The following MAOB variants were observed in gnomAD, a reference collection of about 807,000 sequenced individuals.
The protein encoded by MAOB is monoamine oxidase B.
MAOB carries 15 observed loss-of-function variants against 41.9 expected under a neutral mutation model. The ratio of observed to expected loss-of-function variants is 0.36; its 90% confidence interval spans 0.24 to 0.55. The LOEUF is 0.55. Among genes scored for constraint, MAOB ranks in the 20% least tolerant of loss-of-function variants. The probability of loss-of-function intolerance (pLI) is 0.86; values close to 1 mark genes in which losing one functional copy is unlikely to be tolerated. For synonymous variants in MAOB, 167 were observed against 144.2 expected (o/e 1.16, Z -1.13); for missense variants, 345 against 398.7 (o/e 0.87, Z 1.15).
intron 3 of MAOB, among the ~76,000 whole-genome samples, chrX:43,816,276 A>T (rs1193844104): frequency 8.9e-6 from 1 of 111,823 alleles, no homozygotes; most frequent in Non-Finnish European, 1.9e-5. Flanking sequence ...TGGCTTTATG[A>T]ATATGTTCAT....
In MAOB at chrX:43,838,925, C is replaced by A. The variant is rs2035101147; in HGVS notation, c.222G>T (p.Glu74Asp). Residue 74 changes from glutamate to aspartate, a missense_variant, in exon 3 of 15, where the codon GAG becomes GAT. Physicochemically the swap from Glu to Asp is conservative, Grantham distance 45. Transcript: ENST00000378069. The stretch of plus-strand genomic sequence containing the variant: ...TCACTTTGTAGGTCTCCAATCCTAG[C>A]TCCTTGGCTAATCTCAAGATACGAT... ...TQNRILRLAK[E>D]LGLETYKVNE... is the part of the protein sequence containing the mutation. 9 of 1,204,124 alleles carry A rather than the reference C, an allele frequency of 7.5e-6. No homozygotes were observed. The highest frequency in any genetic ancestry group is 1.0e-5 in the Non-Finnish European group (9 of 891,611).
At chrX:43,861,784 C>G (rs2035333595) in intron 1 of MAOB, among the ~76,000 whole-genome samples, 1 of 111,487 alleles carries the variant, frequency 9.0e-6, no homozygotes, top group African/African-American at 3.3e-5. Flanking sequence ...GATACCTATT[C>G]AATGCTGTAC....
intron 3 of MAOB, among the ~76,000 whole-genome samples, chrX:43,809,483 G>C (rs989873710): frequency 3.6e-5 from 4 of 112,581 alleles, no homozygotes; most frequent in Non-Finnish European, 7.5e-5. Context: ...CTTAGTTTAG[G>C]TAAATTCATA....
At chrX:43,802,094 C>T in intron 5 of MAOB, 78 bp downstream of exon 5, 1 of 806,045 alleles carries the variant, frequency 1.2e-6, no homozygotes, top group Non-Finnish European at 1.8e-6. Flanking sequence ...CTACTTGTCC[C>T]ATACTTGTTG....
intron 1 of MAOB, 143 bp from the exon 2 acceptor site, chrX:43,843,907 G>A: frequency 9.9e-7 from 1 of 1,007,428 alleles, no homozygotes; most frequent in Non-Finnish European, 1.3e-6. Flanking sequence ...GATACGGTTT[G>A]TCAATAGAGG....
intron 11 of MAOB, among the ~76,000 whole-genome samples, chrX:43,775,633 G>A (rs186846646): frequency 2.7e-5 from 3 of 111,766 alleles, no homozygotes; most frequent in African/African-American, 9.8e-5. Context: ...GGAGTGACTG[G>A]ATAGGAAAAA....
chrX:43,794,074 A>G (rs1240204944), intron 7 of MAOB, among the ~76,000 whole-genome samples: 1 of 111,430 alleles, frequency 9.0e-6, no homozygotes, highest in Non-Finnish European at 1.9e-5. Flanking sequence ...ACAGGGTTTC[A>G]CCATGTTGGC....
In MAOB at chrX:43,780,347, C is replaced by T. The variant is rs1287709788; in HGVS notation, c.1074G>A (p.Glu358=). The change falls in exon 10 of 15, where the codon GAG becomes GAA. Residue 358 remains glutamate, a synonymous_variant. Coordinates refer to ENST00000378069, the MANE Select transcript of MAOB (RefSeq NM_000898.5). ...KARKLARLTK[E]ERLKKLCELY... ...AGCAGCATTTCTTTTGTTACCTTTC[C>T]TCTTTGGTAAGACGTGCCAGTTTTC... 4 of 1,201,476 alleles carry T rather than the reference C, an allele frequency of 3.3e-6. No homozygotes were observed. The highest frequency in any genetic ancestry group is 4.5e-6 in the Non-Finnish European group (4 of 889,190).
At position 43,878,483 on chromosome X, in the gene MAOB, A is replaced by G. The variant is rs146690960; in HGVS notation, c.46+3771T>C. On this transcript the variant is annotated intron_variant, in intron 1 of 14. Transcript: ENST00000378069. ...TCATTACGTTGCCAGGGCTGGTCTC[A>G]AACTCCTGGGCTCAAGCAATCCTCC... Among the ~76,000 whole-genome samples, 1,428 of 109,165 alleles carry G rather than the reference A, an allele frequency of 0.013. 41 individuals are homozygous for G. The South Asian group carries it at 0.16, about 13-fold the overall frequency. The allele number at this position is 109,165 out of a possible 115,157, so 94.8% of individuals were successfully genotyped here.
In MAOB at chrX:43,855,005, A is replaced by G. The variant is rs892057217; in HGVS notation, c.47-11241T>C. On this transcript the variant is annotated intron_variant, in intron 1 of 14. Coordinates refer to ENST00000378069, the MANE Select transcript of MAOB (RefSeq NM_000898.5). ...AGCCTCATTGTCTTTCTCAGTGTCA[A>G]GGAAAAGTTTTGGCACGCCCAGGCA... 2.7e-5 allele frequency among the ~76,000 whole-genome samples: 3 copies of G among 110,331 alleles called. No individual in the cohort carries two copies. In the East Asian group the frequency reaches 8.6e-4, roughly 31 times the overall value.
intron 1 of MAOB, among the ~76,000 whole-genome samples, chrX:43,868,325 C>G (rs1350166409): frequency 1.8e-5 from 2 of 112,022 alleles, no homozygotes; most frequent in East Asian, 5.6e-4. Flanking sequence ...TTTACCTTTC[C>G]TACTTACTGT....
chrX:43,796,883 G>A (rs2034534656), intron 6 of MAOB, among the ~76,000 whole-genome samples: 1 of 111,847 alleles, frequency 8.9e-6, no homozygotes, highest in Non-Finnish European at 1.9e-5. Flanking sequence ...TTGAGCGTAT[G>A]GAAAATGGCC....
At chrX:43,806,569 G>C (rs2034664405) in intron 3 of MAOB, among the ~76,000 whole-genome samples, 1 of 110,462 alleles carries the variant, frequency 9.1e-6, no homozygotes, top group Non-Finnish European at 1.9e-5. Context: ...GTGTCTGTCA[G>C]GTCTCTCCAC....
chrX:43,778,623 T>A, intron 11 of MAOB, 59 bp downstream of exon 11: 1 of 961,472 alleles, frequency 1.0e-6, no homozygotes, highest in Non-Finnish European at 1.5e-6. Flanking sequence ...TCCCTGCTAG[T>A]CACTTGGGGA....
At chrX:43,848,110 G>C (rs979020814) in intron 1 of MAOB, among the ~76,000 whole-genome samples, 1 of 111,615 alleles carries the variant, frequency 9.0e-6, no homozygotes, top group African/African-American at 3.3e-5. Context: ...TTAGTTTTTT[G>C]CCAAGAAAAT....
intron 3 of MAOB, among the ~76,000 whole-genome samples, chrX:43,830,164 G>A (rs2035000507): frequency 8.9e-6 from 1 of 112,261 alleles, no homozygotes; most frequent in African/African-American, 3.2e-5. Context: ...TGATTGGACA[G>A]TGCTGTTGTA....
At chrX:43,771,981 C>G (rs777233609) in intron 12 of MAOB, among the ~76,000 whole-genome samples, 55 of 111,654 alleles carry the variant, frequency 4.9e-4, no homozygotes, top group Non-Finnish European at 7.5e-5. Flanking sequence ...ATGAGTTTTA[C>G]TGCATAATCA....
intron 8 of MAOB, among the ~76,000 whole-genome samples, chrX:43,789,079 C>T (rs1382428917): frequency 8.9e-6 from 1 of 111,870 alleles, no homozygotes; most frequent in Non-Finnish European, 1.9e-5. Context: ...ACATCTTATA[C>T]ACATAGTCTG....
intron 1 of MAOB, among the ~76,000 whole-genome samples, chrX:43,858,527 A>G (rs968339204): frequency 2.7e-5 from 3 of 110,436 alleles, no homozygotes; most frequent in African/African-American, 9.9e-5. Context: ...GATTTCATGT[A>G]ATTCCACCTC....
Sources: allele counts gnomAD v4.1 joint callset (sites outside exome capture counted in the v4.1 genomes callset), GRCh38; gene constraint gnomAD v4.1.1; transcripts MANE v1.5; gene names NCBI Gene and HGNC (gene_info 2026-07-23, HGNC 2026-07-21).